AP2A2: variants seen among roughly 807,000 people sequenced by gnomAD.
AP2A2 encodes the protein AP-2 complex subunit alpha-2.
A neutral mutation model predicts 104.2 loss-of-function variants in AP2A2; 32 were observed. The ratio of observed to expected loss-of-function variants is 0.31; its 90% CI spans 0.23 to 0.41. The LOEUF (loss-of-function observed/expected upper bound fraction) is 0.41, where lower values mean the gene tolerates loss of function less well. Ranked by LOEUF, AP2A2 falls within the 10% of genes least tolerant of loss-of-function variation. AP2A2 has a pLI of 1.00. For synonymous variants in AP2A2, 539 were observed against 533.3 expected (o/e 1.01, Z -0.15); for missense variants, 912 against 1,261.0 (o/e 0.72, Z 4.19).
intron 2 of AP2A2, among the ~76,000 whole-genome samples, chr11:969,902 G>T (rs767815757): frequency 6.6e-6 from 1 of 152,234 alleles, no homozygotes; most frequent in Non-Finnish European, 1.5e-5. Context: ...GCCCAGGGTT[G>T]TCGTGGGAGG....
intron 1 of AP2A2, among the ~76,000 whole-genome samples, chr11:951,157 A>G (rs571324190): frequency 6.6e-6 from 1 of 152,202 alleles, no homozygotes; most frequent in Non-Finnish European, 1.5e-5. Context: ...ACGAATGTTC[A>G]ATAAGCATAT....
chr11:971,993 G>C (rs942351752), intron 3 of AP2A2, 69 bp from the exon 4 acceptor site: 2 of 1,442,004 alleles, frequency 1.4e-6, no homozygotes, highest in African/African-American at 2.8e-5. Context: ...CTGATTGTTG[G>C]GTGACTCAGG....
chr11:932,910 T>C (rs1389340391), intron 1 of AP2A2: 6 of 358,210 alleles, frequency 1.7e-5, no homozygotes, highest in African/African-American at 1.1e-4. Context: ...TGTCAAGATT[T>C]TGTAGTAGAA....
chr11:946,820 TTTG>T lies in AP2A2; in HGVS notation c.68-12611_68-12609del, dbSNP rs758701187. On this transcript the variant is annotated intron_variant, in intron 1 of 21. Coordinates refer to ENST00000448903, the MANE Select transcript of AP2A2 (RefSeq NM_012305.4). ...CCAGGTAAACAATAAACAGAGGACA[TTTG>T]TTGTTTTAGCCAACCTCCCTTATAA... The T allele has an allele frequency of 6.2e-5, 9 of 146,128 alleles. No individual in the cohort carries two copies. The East Asian group carries it at 1.6e-3, about 26-fold the overall frequency. The allele number at this position is 146,128 out of a possible 1,614,324, so 9.1% of individuals were successfully genotyped here.
At chr11:948,611 A>G (rs1372896584) in intron 1 of AP2A2, 1 of 152,216 alleles carries the variant, frequency 6.6e-6, no homozygotes, top group Non-Finnish European at 1.5e-5. Context: ...TCATGCCTGT[A>G]ATCCCAGCAC....
intron 14 of AP2A2, among the ~76,000 whole-genome samples, chr11:997,351 G>C (rs1173889878): frequency 6.6e-6 from 1 of 152,182 alleles, no homozygotes; most frequent in Non-Finnish European, 1.5e-5. Flanking sequence ...TGGGGCCCTT[G>C]TAGGCAAAAC....
intron 1 of AP2A2, among the ~76,000 whole-genome samples, chr11:935,860 C>G (rs550890900): frequency 4.0e-5 from 6 of 149,632 alleles, no homozygotes; most frequent in Non-Finnish European, 7.4e-5. Flanking sequence ...TCCCAAAGTG[C>G]TGGGAATTAC....
chr11:968,649 A>G lies in AP2A2; in HGVS notation c.137-1520A>G, dbSNP rs1854707643. The stretch of plus-strand genomic sequence containing the variant: ...ATGGAATCTGGGCTGGGTAGGAGAC[A>G]CGGTGCTGGGGCTTCCCAGTGGAGG... On this transcript the variant is annotated intron_variant, in intron 2 of 21. Coordinates refer to ENST00000448903, the MANE Select transcript of AP2A2 (RefSeq NM_012305.4). This position sits in a 1 kb window ranked among gnomAD's most constrained non-coding sequence, Gnocchi z 4.2. Among the ~76,000 whole-genome samples, 1 of 152,130 alleles carries G rather than the reference A, an allele frequency of 6.6e-6. No individual in the cohort carries two copies. Among genetic ancestry groups the G allele is most frequent in the Admixed American group, 6.5e-5 (1 of 15,282 alleles).
intron 1 of AP2A2, among the ~76,000 whole-genome samples, chr11:944,833 G>A (rs547482935): frequency 6.7e-6 from 1 of 148,494 alleles, no homozygotes; most frequent in African/African-American, 2.5e-5. Flanking sequence ...GGAGGCGCAT[G>A]TGGCTTTAGG....
At position 972,160 on chromosome 11, in the gene AP2A2, C is replaced by G. The variant is rs1314322163; in HGVS notation, c.378C>G (p.Thr126=). ...ATGACCTGGCCAGCCGCAACCCCACCTTCATGGGCCTGGCCCTGCACTGCA... is the reference window on the plus strand; with the variant it reads ...ATGACCTGGCCAGCCGCAACCCCACGTTCATGGGCCTGGCCCTGCACTGCA... ...IKNDLASRNP[T]FMGLALHCIA... Residue 126 remains threonine, a synonymous_variant, in exon 4 of 22, where the codon ACC becomes ACG. Transcript: ENST00000448903. 6.2e-7 allele frequency: 1 copy of G among 1,613,262 alleles called. No homozygotes were observed.
At chr11:969,796 T>C (rs142254546) in intron 2 of AP2A2, among the ~76,000 whole-genome samples, 2 of 152,322 alleles carry the variant, frequency 1.3e-5, no homozygotes, top group African/African-American at 4.8e-5. Flanking sequence ...GCTTGATGGT[T>C]GAAGGCAGGG....
At chr11:952,317 A>G (rs1011870509) in intron 1 of AP2A2, among the ~76,000 whole-genome samples, 1 of 152,224 alleles carries the variant, frequency 6.6e-6, no homozygotes, top group African/African-American at 2.4e-5. Flanking sequence ...TTCCCAGAAT[A>G]CTAATCCTCT....
chr11:972,297 T>A (rs1854861342), intron 4 of AP2A2, 42 bp downstream of exon 4: 3 of 1,509,986 alleles, frequency 2.0e-6, no homozygotes, highest in Non-Finnish European at 2.7e-6. Context: ...GAAGATGTGC[T>A]GCTTTCATGC....
intron 1 of AP2A2, among the ~76,000 whole-genome samples, chr11:934,263 CTTTGTTTCCCACTTTTAAA>C (rs1211994849): frequency 2.6e-5 from 4 of 152,110 alleles, no homozygotes; most frequent in African/African-American, 7.2e-5. Context: ...TTCTACTCTC[CTTTGTTTCCCACTTTTAAA>C]TTTTTTATAT....
chr11:997,490 GTGTTAGGACCCTAC>G (rs1855892427), intron 14 of AP2A2, among the ~76,000 whole-genome samples: 1 of 152,330 alleles, frequency 6.6e-6, no homozygotes, highest in Admixed American at 6.5e-5. Flanking sequence ...CCTGAAGTGG[GTGTTAGGACCCTAC>G]TGTCCTGGGG....
intron 6 of AP2A2, among the ~76,000 whole-genome samples, chr11:981,805 C>T (rs1855251239): frequency 6.6e-6 from 1 of 152,266 alleles, no homozygotes; most frequent in Non-Finnish European, 1.5e-5. Context: ...TAGCTCCTTG[C>T]CCTCTGAGGC....
At position 993,227 on chromosome 11, in the gene AP2A2, C is replaced by G; in HGVS notation, c.1453-57C>G. On this transcript the variant is annotated intron_variant, in intron 11 of 21. Transcript: ENST00000448903. The surrounding 1 kb of genome is among the most constrained non-coding windows in gnomAD (Gnocchi z 8.2). ...GGTGCACCGCGCCAGGACGTGCCCG[C>G]CTCGCCTTAACTCTGGCACCTGGCT... 1 of 1,440,414 alleles carries G rather than the reference C, an allele frequency of 6.9e-7. No homozygotes were observed. The highest frequency in any genetic ancestry group is 1.3e-5 in the South Asian group (1 of 76,834). The allele number at this position is 1,440,414 out of a possible 1,614,324, so 89.2% of individuals were successfully genotyped here.
intron 14 of AP2A2, among the ~76,000 whole-genome samples, chr11:997,717 C>T (rs769482436): frequency 6.6e-6 from 1 of 152,076 alleles, no homozygotes; most frequent in Non-Finnish European, 1.5e-5. Flanking sequence ...CCAGCCTGGC[C>T]AACATGGTGA....
intron 1 of AP2A2, among the ~76,000 whole-genome samples, chr11:957,205 C>T (rs1485652361): frequency 6.6e-6 from 1 of 152,206 alleles, no homozygotes; most frequent in Non-Finnish European, 1.5e-5. Context: ...TGACGTGATG[C>T]GTAGGGCATG....
Sources: allele counts gnomAD v4.1 joint callset (sites outside exome capture counted in the v4.1 genomes callset), GRCh38; gene constraint gnomAD v4.1.1; non-coding constraint Gnocchi (gnomAD v3.1); transcripts MANE v1.5; gene names NCBI Gene and HGNC (gene_info 2026-07-23, HGNC 2026-07-21).